MBOAT2: variants seen among roughly 807,000 people sequenced by gnomAD.
MBOAT2 encodes the protein membrane-bound glycerophospholipid O-acyltransferase 2.
MBOAT2 carries 28 observed loss-of-function variants against 63.4 expected under a neutral mutation model. The ratio of observed to expected loss-of-function variants is 0.44; its 90% CI spans 0.33 to 0.61. The LOEUF is 0.61. Ranked by LOEUF, MBOAT2 falls within the 20% of genes least tolerant of loss-of-function variation. The pLI is 0.03. For missense variants in MBOAT2, 470 were observed against 605.8 expected (o/e 0.78, Z 2.35); for synonymous variants, 211 against 215.6 (o/e 0.98, Z 0.19).
chr2:8,886,540 A>G (rs1482772118), intron 5 of MBOAT2, among the ~76,000 whole-genome samples: 1 of 152,198 alleles, frequency 6.6e-6, no homozygotes, highest in Non-Finnish European at 1.5e-5. Flanking sequence ...GCCTGCAGCA[A>G]ACTGTCTCAG....
chr2:8,862,382 G>A lies in MBOAT2; in HGVS notation c.1185+208C>T. On this transcript the variant is annotated intron_variant, in intron 11 of 12. Coordinates refer to ENST00000305997, the MANE Select transcript of MBOAT2 (RefSeq NM_138799.4). The surrounding 1 kb of genome is among the most constrained non-coding windows in gnomAD (Gnocchi z 4.3). ...CTACCTGCCGGGCACATAGAAACGT[G>A]TTTTCTCCTCACAGGAACTGGGCAT... 7.0e-7 allele frequency: 1 copy of A among 1,423,370 alleles called. No homozygotes were observed. Among genetic ancestry groups the A allele is most frequent in the Non-Finnish European group, 9.4e-7 (1 of 1,063,150 alleles). The allele number at this position is 1,423,370 out of a possible 1,614,324, so 88.2% of individuals were successfully genotyped here. A position where few individuals can be genotyped will look rare whatever the true frequency, so the allele number is the denominator to read the frequency against.
chr2:8,896,695 G>A (rs910451157), intron 4 of MBOAT2, among the ~76,000 whole-genome samples: 1 of 152,270 alleles, frequency 6.6e-6, no homozygotes, highest in African/African-American at 2.4e-5. Context: ...GTACTTTAAG[G>A]TTTGGCTGAG....
chr2:8,915,034 G>A (rs1460731949), intron 3 of MBOAT2, among the ~76,000 whole-genome samples: 2 of 146,634 alleles, frequency 1.4e-5, no homozygotes, highest in Non-Finnish European at 3.0e-5. Context: ...CACCTCCCAG[G>A]TTCAAGAGAT....
chr2:8,860,420 G>C (rs985214296), intron 12 of MBOAT2, among the ~76,000 whole-genome samples, 193 bp downstream of exon 12: 1 of 152,188 alleles, frequency 6.6e-6, no homozygotes, highest in African/African-American at 2.4e-5. Flanking sequence ...CTCATCTGAG[G>C]GTTGAGCAGT....
chr2:8,979,409 T>G (rs1237338717), intron 1 of MBOAT2, among the ~76,000 whole-genome samples: 1 of 152,156 alleles, frequency 6.6e-6, no homozygotes, highest in African/African-American at 2.4e-5. Context: ...TAGATTATTT[T>G]GCCTCAATGT....
At chr2:9,002,592 A>G (rs181260419) in intron 1 of MBOAT2, among the ~76,000 whole-genome samples, 11 of 152,232 alleles carry the variant, frequency 7.2e-5, no homozygotes, top group African/African-American at 2.2e-4. Context: ...GGCTAGAGCA[A>G]TCACCTAACT....
intron 1 of MBOAT2, among the ~76,000 whole-genome samples, chr2:8,971,287 G>A (rs1467936972): frequency 1.3e-5 from 2 of 152,336 alleles, no homozygotes; most frequent in East Asian, 3.9e-4. Context: ...CTCAACAGAT[G>A]CAGAAAAGGC....
intron 2 of MBOAT2, among the ~76,000 whole-genome samples, chr2:8,956,732 A>G (rs896917905): frequency 2.6e-5 from 4 of 152,204 alleles, no homozygotes; most frequent in Non-Finnish European, 5.9e-5. Flanking sequence ...TGGTTATCAC[A>G]TATAATTTGA....
Position 9,003,488 on chromosome 2 carries a change from C to T in MBOAT2, c.75+52G>A. ...GGCCCCCGGTCGGGTGGCACCGCGG[C>T]GGGGAGGGGCGGCGAGGGCGCGACG... On this transcript the variant is annotated intron_variant, in intron 1 of 12. Coordinates refer to ENST00000305997, the MANE Select transcript of MBOAT2 (RefSeq NM_138799.4). This position sits in a 1 kb window ranked among gnomAD's most constrained non-coding sequence, Gnocchi z 5.4. 8.8e-7 allele frequency: 1 copy of T among 1,133,478 alleles called. No individual in the cohort carries two copies. 70.2% of individuals were successfully genotyped at this position (1,133,478 alleles called of 1,614,324 possible). A position where few individuals can be genotyped will look rare whatever the true frequency, so the allele number is the denominator to read the frequency against.
At chr2:8,971,922 T>C (rs891849013) in intron 1 of MBOAT2, among the ~76,000 whole-genome samples, 26 of 152,190 alleles carry the variant, frequency 1.7e-4, no homozygotes, top group African/African-American at 4.1e-4. Context: ...GAATCAATAT[T>C]GTGAAAATGG....
chr2:8,965,263 C>T (rs1669903635), intron 1 of MBOAT2, among the ~76,000 whole-genome samples: 1 of 152,086 alleles, frequency 6.6e-6, no homozygotes, highest in South Asian at 2.1e-4. Flanking sequence ...TACCTATTTC[C>T]TACTTAAACC....
chr2:8,997,638 T>C (rs1184095821), intron 1 of MBOAT2, among the ~76,000 whole-genome samples: 1 of 152,214 alleles, frequency 6.6e-6, no homozygotes, highest in Admixed American at 6.5e-5. Flanking sequence ...GAACTGTGCA[T>C]CAAACATCTA....
intron 12 of MBOAT2, among the ~76,000 whole-genome samples, chr2:8,859,258 A>G (rs572209388): frequency 1.3e-5 from 2 of 152,238 alleles, no homozygotes; most frequent in African/African-American, 2.4e-5. Context: ...AAGTTGAGTC[A>G]ACAAAGAAAA....
intron 2 of MBOAT2, among the ~76,000 whole-genome samples, chr2:8,951,377 GTGTT>G (rs1668824814): frequency 6.6e-6 from 1 of 152,022 alleles, no homozygotes; most frequent in Non-Finnish European, 1.5e-5. Context: ...GCTAATTTTT[GTGTT>G]TTTAGTAGAG....
At position 8,958,917 on chromosome 2, in the gene MBOAT2, A is replaced by G. The variant is rs75416133; in HGVS notation, c.76-275T>C. Among the ~76,000 whole-genome samples the G allele has an allele frequency of 7.4e-3, 1,127 of 152,296 alleles. 13 individuals are homozygous for G. Among genetic ancestry groups the G allele is most frequent in the South Asian group, 0.02 (98 of 4,828 alleles). On this transcript the variant is annotated intron_variant, in intron 1 of 12. Coordinates refer to ENST00000305997, the MANE Select transcript of MBOAT2 (RefSeq NM_138799.4). The stretch of plus-strand genomic sequence containing the variant: ...GTAGAAGGACACCTGGAAAAATCTG[A>G]TTGACACTGGTCTGCAGACACAGAA...
chr2:8,937,203 C>T (rs1330790606), intron 3 of MBOAT2, among the ~76,000 whole-genome samples: 1 of 152,152 alleles, frequency 6.6e-6, no homozygotes, highest in African/African-American at 2.4e-5. Flanking sequence ...TTCATGAGAC[C>T]CCCATGGGGC....
intron 9 of MBOAT2, among the ~76,000 whole-genome samples, chr2:8,864,750 C>T (rs2148511769): frequency 6.6e-6 from 1 of 152,292 alleles, no homozygotes. Flanking sequence ...TCTCACAGGG[C>T]ATCCCACCTT....
intron 8 of MBOAT2, among the ~76,000 whole-genome samples, chr2:8,871,893 C>T (rs1263765615): frequency 1.3e-5 from 2 of 152,130 alleles, no homozygotes; most frequent in African/African-American, 4.8e-5. Context: ...GCAAGCAGAA[C>T]ACAATCTTAA....
intron 3 of MBOAT2, among the ~76,000 whole-genome samples, chr2:8,918,835 A>G (rs1558614358): frequency 6.6e-6 from 1 of 152,244 alleles, no homozygotes; most frequent in Non-Finnish European, 1.5e-5. Flanking sequence ...AACAATTTTT[A>G]GTAAATGTGT....
Sources: gnomAD v4.1 joint callset for allele counts (sites outside exome capture counted in the v4.1 genomes callset) on GRCh38, gnomAD v4.1.1 for gene constraint, Gnocchi (gnomAD v3.1) non-coding constraint, MANE v1.5 for transcripts, NCBI Gene and HGNC (gene_info 2026-07-23, HGNC 2026-07-21) for gene names.